The following PCGF6 variants were observed in gnomAD, a reference collection of about 807,000 sequenced individuals.
PCGF6 encodes polycomb group RING finger protein 6.
Under a neutral mutation model 45.5 loss-of-function variants are expected in PCGF6, and 24 were observed. That is an observed-to-expected ratio of 0.53 (90% CI 0.38 to 0.74). The LOEUF is 0.74. Among genes scored for constraint, PCGF6 ranks in the 30% least tolerant of loss-of-function variants. The pLI is 0.00. For synonymous variants in PCGF6, 152 were observed against 162.1 expected, an observed-to-expected ratio of 0.94 and a Z score of 0.47; for missense variants, 356 against 443.2, an observed-to-expected ratio of 0.80 and a Z score of 1.77.
At position 103,351,053 on chromosome 10, in the gene PCGF6, G is replaced by A. The variant is rs774046455; in HGVS notation, c.14C>T (p.Ala5Val). ...GCCTACGCTGCCCGCCGTCACCACC[G>A]CGACCCCCTCCATGGTCGGGAGAGA... MEGV[A>V]VVTAGSVGAA... Residue 5 changes from alanine (A) to valine (V), a missense_variant, in exon 1 of 10, where the codon GCG becomes GTG. By Grantham distance (64) the Ala-to-Val change is moderately conservative (BLOSUM62 0). Coordinates refer to ENST00000369847, the MANE Select transcript of PCGF6 (RefSeq NM_001011663.2). 1.4e-6 allele frequency: 2 copies of A among 1,392,238 alleles called. No homozygotes were observed. The highest frequency in any genetic ancestry group is 1.9e-6 in the Non-Finnish European group (2 of 1,073,334). 86.2% of individuals were successfully genotyped at this position (1,392,238 alleles called of 1,614,324 possible).
chr10:103,303,236 A>C lies in PCGF6; in HGVS notation c.*669T>G, dbSNP rs1422692146. 1 of 152,598 alleles carries C rather than the reference A, an allele frequency of 6.6e-6. No individual in the cohort carries two copies. The highest frequency in any genetic ancestry group is 1.5e-5 in the Non-Finnish European group (1 of 68,036). 9.5% of individuals were successfully genotyped at this position (152,598 alleles called of 1,614,324 possible). ...CAGAAATAAAAATACTGTCACAAAG[A>C]AGCACCCCTTATTGGAAGATGTATT... On this transcript the variant is annotated 3_prime_UTR_variant, in exon 10 of 10. Coordinates refer to ENST00000369847, the MANE Select transcript of PCGF6 (RefSeq NM_001011663.2).
intron 9 of PCGF6, among the ~76,000 whole-genome samples, chr10:103,308,834 G>T (rs2093146564): frequency 6.6e-6 from 1 of 151,732 alleles, no homozygotes; most frequent in South Asian, 2.1e-4. Context: ...TCACACTACT[G>T]CACTCTAACC....
At chr10:103,327,534 CATT>C (rs1390081114) in intron 7 of PCGF6, among the ~76,000 whole-genome samples, 6 of 151,978 alleles carry the variant, frequency 3.9e-5, no homozygotes, top group African/African-American at 1.2e-4. Flanking sequence ...ACTGTAGTAT[CATT>C]ATTATGTTGC....
In PCGF6 at chr10:103,347,218, T is replaced by C. The variant is rs755742582; in HGVS notation, c.673+20A>G. ...TATTCTTTAATCTGTAAGTACATTA[T>C]AGTATACACCCAAACTTACCAGGTT... On this transcript the variant is annotated intron_variant, in intron 5 of 9. Transcript: ENST00000369847. 12 of 1,555,962 alleles carry C rather than the reference T, an allele frequency of 7.7e-6. No individual in the cohort carries two copies. Among genetic ancestry groups the C allele is most frequent in the African/African-American group, 6.8e-5 (5 of 73,480 alleles).
chr10:103,305,277 CTT>C (rs879815666), intron 9 of PCGF6, among the ~76,000 whole-genome samples: 2 of 145,052 alleles, frequency 1.4e-5, no homozygotes, highest in African/African-American at 2.5e-5. Context: ...CCAGCCCAGA[CTT>C]TTTTTTTTTT....
intron 5 of PCGF6, among the ~76,000 whole-genome samples, chr10:103,346,479 C>T (rs536013754): frequency 1.2e-4 from 18 of 152,040 alleles, no homozygotes; most frequent in Non-Finnish European, 2.1e-4. Flanking sequence ...CAAAAATTAG[C>T]TTGGCGTAGT....
chr10:103,347,412 A>G lies in PCGF6; in HGVS notation c.596T>C (p.Val199Ala). 3 of 1,607,456 alleles carry G rather than the reference A, an allele frequency of 1.9e-6. No homozygotes were observed. The highest frequency in any genetic ancestry group is 2.6e-6 in the Non-Finnish European group (3 of 1,174,592). Residue 199 changes from valine to alanine, a missense_variant, in exon 4 of 10, where the codon GTG becomes GCG. Physicochemically the swap from Val to Ala is moderately conservative, Grantham distance 64. Coordinates refer to ENST00000369847, the MANE Select transcript of PCGF6 (RefSeq NM_001011663.2). Reference sequence around the variant, plus strand: ...AAACTTACTTTCCTCTAGATTGATCACTAATTTGTACACTATGTCTTGTAA... The same window carrying G: ...AAACTTACTTTCCTCTAGATTGATCGCTAATTTGTACACTATGTCTTGTAA... ...RQLQDIVYKL[V>A]INLEEREKKQ...
intron 9 of PCGF6, among the ~76,000 whole-genome samples, chr10:103,313,828 C>T (rs972072519): frequency 7.9e-5 from 12 of 152,004 alleles, no homozygotes; most frequent in Non-Finnish European, 7.4e-5. Flanking sequence ...ACTGGACAGG[C>T]GGAAAAAAAC....
At chr10:103,324,580 T>TGAAACCCC (rs2093209845) in intron 8 of PCGF6, among the ~76,000 whole-genome samples, 1 of 148,396 alleles carries the variant, frequency 6.7e-6, no homozygotes, top group African/African-American at 2.5e-5. Flanking sequence ...AACAACATGG[T>TGAAACCCC]GAAACCCCGT....
At chr10:103,348,248 A>G (rs943870066) in intron 3 of PCGF6, 1 of 153,098 alleles carries the variant, frequency 6.5e-6, no homozygotes, top group Non-Finnish European at 1.5e-5. Flanking sequence ...AGCAGATATT[A>G]CAGTGCCTAG....
chr10:103,305,566 C>T (rs866878973), intron 9 of PCGF6, among the ~76,000 whole-genome samples: 11 of 152,126 alleles, frequency 7.2e-5, no homozygotes, highest in African/African-American at 2.6e-4. Context: ...CCGCTGCACC[C>T]GGCCCTAGAC....
At chr10:103,316,892 C>A (rs1200875680) in intron 8 of PCGF6, among the ~76,000 whole-genome samples, 1 of 152,080 alleles carries the variant, frequency 6.6e-6, no homozygotes, top group Non-Finnish European at 1.5e-5. Context: ...TAGCCTGTCA[C>A]CTGTTTTTAG....
intron 9 of PCGF6, 72 bp from the exon 10 acceptor site, chr10:103,304,033 T>A (rs1206621688): frequency 1.5e-6 from 2 of 1,296,370 alleles, no homozygotes; most frequent in African/African-American, 3.0e-5. Context: ...AAGTCAAAGC[T>A]GGCTTACTTT....
intron 8 of PCGF6, among the ~76,000 whole-genome samples, chr10:103,316,013 T>TATAGAGATAGAG (rs1311416309): frequency 1.1e-4 from 13 of 119,502 alleles, no homozygotes; most frequent in African/African-American, 4.2e-4. Context: ...TATATATATA[T>TATAGAGATAGAG]AGAGAGAGAG....
At chr10:103,338,535 A>G (rs2093266808) in intron 6 of PCGF6, among the ~76,000 whole-genome samples, 1 of 135,452 alleles carries the variant, frequency 7.4e-6, no homozygotes, top group South Asian at 2.7e-4. Flanking sequence ...ACAGAGCGAG[A>G]CTCCATCTCA....
chr10:103,328,677 T>TA (rs1282935090), intron 7 of PCGF6, among the ~76,000 whole-genome samples: 1 of 152,186 alleles, frequency 6.6e-6, no homozygotes, highest in Non-Finnish European at 1.5e-5. Flanking sequence ...GAAGAGTTGT[T>TA]AGTGTTGTGA....
rs772195361 is a variant in PCGF6 at position 103,303,942 on chromosome 10, T to C, written c.1016A>G (p.His339Arg). The change falls in exon 10 of 10, where the codon CAT becomes CGT. Residue 339 changes from histidine (H) to arginine (R), a missense_variant. By Grantham distance (29) the His-to-Arg change is conservative. Coordinates refer to ENST00000369847, the MANE Select transcript of PCGF6 (RefSeq NM_001011663.2). ...AAMQDGLLVL[H>R]YGLVVSPLKI... ...CAGAGGAGAAACCACAAGACCATAA[T>C]GAAGGACAAGCAGACCATCCTGAAA... The C allele has an allele frequency of 5.0e-6, 8 of 1,613,470 alleles. No individual in the cohort carries two copies. In the South Asian group the frequency reaches 8.8e-5, roughly 18 times the overall value.
At chr10:103,340,050 G>A (rs774288846) in intron 6 of PCGF6, among the ~76,000 whole-genome samples, 13 of 144,802 alleles carry the variant, frequency 9.0e-5, no homozygotes, top group Non-Finnish European at 2.0e-4. Flanking sequence ...GGTGGTATGC[G>A]CCTGTAATCC....
intron 9 of PCGF6, among the ~76,000 whole-genome samples, chr10:103,309,412 G>C (rs2093148808): frequency 1.3e-5 from 2 of 152,164 alleles, no homozygotes; most frequent in African/African-American, 4.8e-5. Context: ...TTGTTTAAAA[G>C]TGTGTAGCAC....
Sources: gnomAD v4.1 joint callset for allele counts (sites outside exome capture counted in the v4.1 genomes callset) on GRCh38, gnomAD v4.1.1 for gene constraint, MANE v1.5 for transcripts, NCBI Gene and HGNC (gene_info 2026-07-23, HGNC 2026-07-21) for gene names.